The following CNTNAP2 variants were observed in gnomAD, a reference collection of about 807,000 sequenced individuals.
The protein encoded by CNTNAP2 is contactin associated protein 2.
In CNTNAP2, 98 loss-of-function variants were observed where a neutral mutation model predicts 155.2. The observed-to-expected ratio is 0.63, with a 90% confidence interval of 0.54 to 0.75. CNTNAP2 has a LOEUF of 0.75. Among genes scored for constraint, CNTNAP2 ranks in the 30% least tolerant of loss-of-function variants. The pLI is 0.00. For synonymous variants in CNTNAP2, 651 were observed against 631.2 expected (o/e 1.03, Z -0.47); for missense variants, 1,727 against 1,688.1 (o/e 1.02, Z -0.40).
At chr7:148,028,345 G>A (rs1055578602) in intron 15 of CNTNAP2, among the ~76,000 whole-genome samples, 1 of 152,118 alleles carries the variant, frequency 6.6e-6, no homozygotes, top group African/African-American at 2.4e-5. Flanking sequence ...TTGCCACCTG[G>A]TAGATCTCAT....
chr7:147,977,470 G>C (rs1476277820), intron 14 of CNTNAP2, among the ~76,000 whole-genome samples: 1 of 152,124 alleles, frequency 6.6e-6, no homozygotes, highest in Non-Finnish European at 1.5e-5. Flanking sequence ...CTTCAAATAG[G>C]GTTTTGTTTC....
chr7:147,751,569 TCC>T (rs1797136277), intron 13 of CNTNAP2, among the ~76,000 whole-genome samples: 1 of 152,226 alleles, frequency 6.6e-6, no homozygotes, highest in African/African-American at 2.4e-5. Flanking sequence ...GCAATCATCG[TCC>T]CTTAACACCA....
At chr7:146,753,524 A>G (rs1801941844) in intron 1 of CNTNAP2, among the ~76,000 whole-genome samples, 1 of 152,092 alleles carries the variant, frequency 6.6e-6, no homozygotes, top group Non-Finnish European at 1.5e-5. Context: ...GTTATACAGA[A>G]ATATTGGAAT....
rs575808430 is a variant in CNTNAP2 at position 146,241,110 on chromosome 7, T to C, written c.97+124137T>C. Among the ~76,000 whole-genome samples, 7 of 152,238 alleles carry C rather than the reference T, an allele frequency of 4.6e-5. No homozygotes were observed. The South Asian group carries it at 1.0e-3, about 23-fold the overall frequency. ...CCAAGCGGGTAATGCTAAACATTCA[T>C]GAGAAAACTACCCACATGATCCACT... On this transcript the variant is annotated intron_variant, in intron 1 of 23. Coordinates refer to ENST00000361727, the MANE Select transcript of CNTNAP2 (RefSeq NM_014141.6).
chr7:148,395,044 G>A (rs2116687858), intron 22 of CNTNAP2, among the ~76,000 whole-genome samples: 1 of 151,960 alleles, frequency 6.6e-6, no homozygotes. Flanking sequence ...CATTACTGTG[G>A]AGTTGAACAG....
At chr7:147,871,385 C>T (rs1031556207) in intron 13 of CNTNAP2, among the ~76,000 whole-genome samples, 1 of 152,148 alleles carries the variant, frequency 6.6e-6, no homozygotes, top group African/African-American at 2.4e-5. Flanking sequence ...TTACTGGGCT[C>T]GGGCTTTACA....
At chr7:147,584,016 C>T (rs1800569430) in intron 12 of CNTNAP2, among the ~76,000 whole-genome samples, 1 of 152,088 alleles carries the variant, frequency 6.6e-6, no homozygotes, top group African/African-American at 2.4e-5. Context: ...TTTTTAAGAA[C>T]TCTGTCACCA....
At chr7:147,414,787 A>G (rs979805475) in intron 10 of CNTNAP2, among the ~76,000 whole-genome samples, 3 of 151,778 alleles carry the variant, frequency 2.0e-5, no homozygotes, top group Non-Finnish European at 4.4e-5. Flanking sequence ...TAAAAATACA[A>G]AAAATTAGCT....
At chr7:147,437,959 ATT>A (rs1797579441) in intron 10 of CNTNAP2, among the ~76,000 whole-genome samples, 1 of 151,940 alleles carries the variant, frequency 6.6e-6, no homozygotes, top group African/African-American at 2.4e-5. Flanking sequence ...TTTAATGTTG[ATT>A]TTGTTTCCTG....
chr7:147,653,677 C>A (rs10225836), intron 13 of CNTNAP2, among the ~76,000 whole-genome samples: 1 of 152,044 alleles, frequency 6.6e-6, no homozygotes, highest in Non-Finnish European at 1.5e-5. Context: ...GGAGGTCCTG[C>A]GCAGGAAGGC....
At chr7:147,479,277 C>A (rs1405327568) in intron 10 of CNTNAP2, among the ~76,000 whole-genome samples, 1 of 152,134 alleles carries the variant, frequency 6.6e-6, no homozygotes, top group Admixed American at 6.6e-5. Context: ...TCATTCTGTA[C>A]CAGTTTTTCT....
At chr7:146,632,045 A>G (rs1799519408) in intron 1 of CNTNAP2, among the ~76,000 whole-genome samples, 1 of 152,202 alleles carries the variant, frequency 6.6e-6, no homozygotes, top group Admixed American at 6.5e-5. Context: ...GCAAGAGCAT[A>G]TTCTGCAAAC....
chr7:148,350,782 G>A (rs757105926), intron 21 of CNTNAP2, among the ~76,000 whole-genome samples: 32 of 152,226 alleles, frequency 2.1e-4, no homozygotes, highest in Middle Eastern at 3.2e-3. Flanking sequence ...CCCTCTGTGA[G>A]CAGCAAATGC....
intron 15 of CNTNAP2, among the ~76,000 whole-genome samples, chr7:148,039,143 C>T (rs2116475231): frequency 6.6e-6 from 1 of 152,226 alleles, no homozygotes; most frequent in African/African-American, 2.4e-5. Context: ...TCAGTCTAAT[C>T]TGAAGGCCTC....
At chr7:148,363,623 C>T (rs1798667547) in intron 21 of CNTNAP2, among the ~76,000 whole-genome samples, 1 of 152,030 alleles carries the variant, frequency 6.6e-6, no homozygotes. Flanking sequence ...TGCTTTTTTC[C>T]TTGGGTTCCT....
At chr7:146,339,941 C>A (rs899727321) in intron 1 of CNTNAP2, among the ~76,000 whole-genome samples, 2 of 151,994 alleles carry the variant, frequency 1.3e-5, no homozygotes. Context: ...GAGGCCGAGG[C>A]GGGCGGATCA....
At chr7:148,381,866 A>T (rs1016517188) in intron 21 of CNTNAP2, among the ~76,000 whole-genome samples, 12 of 4,078 alleles carry the variant, frequency 2.9e-3, no homozygotes, top group Admixed American at 4.4e-3. Flanking sequence ...CTTACTGCAC[A>T]TTGGCCCCCC....
intron 4 of CNTNAP2, among the ~76,000 whole-genome samples, chr7:147,099,417 G>C (rs1467268771): frequency 6.6e-6 from 1 of 152,048 alleles, no homozygotes; most frequent in African/African-American, 2.4e-5. Context: ...AGGATAGAGG[G>C]GAAGTTGAAG....
intron 8 of CNTNAP2, among the ~76,000 whole-genome samples, chr7:147,152,916 C>T (rs1047797910): frequency 6.6e-6 from 1 of 152,100 alleles, no homozygotes; most frequent in Non-Finnish European, 1.5e-5. Flanking sequence ...CATAGTAAGT[C>T]TGATGTTCAT....
Sources: allele counts gnomAD v4.1 joint callset (sites outside exome capture counted in the v4.1 genomes callset), GRCh38; gene constraint gnomAD v4.1.1; transcripts MANE v1.5; gene names NCBI Gene and HGNC (gene_info 2026-07-23, HGNC 2026-07-21).